BNC2: variants seen among roughly 807,000 people sequenced by gnomAD.
The protein encoded by BNC2 is basonuclin zinc finger protein 2.
BNC2 carries 20 observed loss-of-function variants against 76.3 expected under a neutral mutation model. The ratio of observed to expected loss-of-function variants is 0.26; its 90% CI spans 0.18 to 0.38. The LOEUF (loss-of-function observed/expected upper bound fraction) is 0.38. BNC2 is among the 10% of genes least tolerant of loss of function. The probability of loss-of-function intolerance (pLI) is 1.00; values close to 1 mark genes in which losing one functional copy is unlikely to be tolerated. For missense variants in BNC2, 1,382 were observed against 1,399.8 expected, an observed-to-expected ratio of 0.99 and a Z score of 0.20; for synonymous variants, 582 against 514.8, an observed-to-expected ratio of 1.13 and a Z score of -1.77.
chr9:16,448,520 T>C (rs1218489872), intron 5 of BNC2, among the ~76,000 whole-genome samples: 1 of 152,140 alleles, frequency 6.6e-6, no homozygotes, highest in Non-Finnish European at 1.5e-5. Flanking sequence ...TATTATACTT[T>C]GAATTACTTT....
chr9:16,777,946 C>T (rs148629768), intron 1 of BNC2, among the ~76,000 whole-genome samples: 2 of 152,038 alleles, frequency 1.3e-5, no homozygotes, highest in Non-Finnish European at 2.9e-5. Context: ...AATGAGAAAA[C>T]AGCAATTAAA....
At chr9:16,737,548 CT>C (rs34933639) in intron 2 of BNC2, among the ~76,000 whole-genome samples, 16 of 146,136 alleles carry the variant, frequency 1.1e-4, no homozygotes, top group Non-Finnish European at 7.5e-5. Context: ...CCGTGCCTGG[CT>C]TTTTTTTTTT....
intron 1 of BNC2, among the ~76,000 whole-genome samples, chr9:16,751,166 G>A (rs543818685): frequency 1.3e-5 from 2 of 148,408 alleles, no homozygotes; most frequent in Admixed American, 6.7e-5. Context: ...AAACATCACT[G>A]AAGTCTAAAA....
At chr9:16,691,572 C>A (rs958454407) in intron 3 of BNC2, among the ~76,000 whole-genome samples, 6 of 138,042 alleles carry the variant, frequency 4.3e-5, no homozygotes, top group African/African-American at 1.4e-4. Flanking sequence ...CGCAGTGGTG[C>A]GATCTTGGCT....
chr9:16,644,896 C>T (rs552481388), intron 3 of BNC2, among the ~76,000 whole-genome samples: 8 of 152,220 alleles, frequency 5.3e-5, no homozygotes, highest in Non-Finnish European at 1.0e-4. Context: ...TCTTTCAATT[C>T]AAAGTTTGAA....
chr9:16,485,635 C>T (rs147273984), intron 5 of BNC2, among the ~76,000 whole-genome samples: 207 of 152,292 alleles, frequency 1.4e-3, no homozygotes, highest in African/African-American at 4.7e-3. Flanking sequence ...GCCTGAGCAA[C>T]ATAGTGAGAC....
chr9:16,564,179 G>A (rs1360821709), intron 4 of BNC2, among the ~76,000 whole-genome samples: 1 of 152,168 alleles, frequency 6.6e-6, no homozygotes, highest in Non-Finnish European at 1.5e-5. Context: ...AGAGTCTCTA[G>A]GGCCAGAGTC....
intron 5 of BNC2, among the ~76,000 whole-genome samples, chr9:16,487,415 A>C (rs1467575114): frequency 2.6e-5 from 4 of 152,214 alleles, no homozygotes; most frequent in Non-Finnish European, 2.9e-5. Flanking sequence ...AATGTATGAG[A>C]GACCTAAAAG....
intron 1 of BNC2, among the ~76,000 whole-genome samples, chr9:16,832,017 G>T (rs1301056480): frequency 6.6e-6 from 1 of 152,120 alleles, no homozygotes; most frequent in Non-Finnish European, 1.5e-5. Flanking sequence ...GTTAAAGAAA[G>T]CCAGAAAAGT....
intron 5 of BNC2, among the ~76,000 whole-genome samples, chr9:16,441,708 T>C (rs1348504244): frequency 6.6e-6 from 1 of 152,134 alleles, no homozygotes; most frequent in Non-Finnish European, 1.5e-5. Context: ...ATTTGGAAAA[T>C]TTGGGACAAG....
chr9:16,531,344 G>T (rs968579323), intron 5 of BNC2, among the ~76,000 whole-genome samples: 1 of 151,606 alleles, frequency 6.6e-6, no homozygotes, highest in African/African-American at 2.4e-5. Flanking sequence ...CAAGAAAGCG[G>T]CGACAAGATG....
At chr9:16,621,502 G>A (rs1187272343) in intron 3 of BNC2, among the ~76,000 whole-genome samples, 2 of 152,184 alleles carry the variant, frequency 1.3e-5, no homozygotes, top group African/African-American at 4.8e-5. Flanking sequence ...TGAGAAAGAT[G>A]ATTCTAGAGC....
intron 5 of BNC2, among the ~76,000 whole-genome samples, chr9:16,478,561 T>C (rs1401381065): frequency 1.3e-5 from 2 of 152,238 alleles, no homozygotes; most frequent in South Asian, 2.1e-4. Flanking sequence ...ATGTAATCTA[T>C]AACCTAATTT....
chr9:16,711,201 A>G (rs1587341940), intron 3 of BNC2, among the ~76,000 whole-genome samples: 2 of 152,286 alleles, frequency 1.3e-5, no homozygotes, highest in East Asian at 3.9e-4. Flanking sequence ...AAGGATGATC[A>G]TTTTTTTAAA....
intron 3 of BNC2, among the ~76,000 whole-genome samples, chr9:16,657,862 G>C (rs533977999): frequency 1.0e-3 from 154 of 152,258 alleles, no homozygotes; most frequent in African/African-American, 3.4e-3. Context: ...GGCTACTTGG[G>C]ATACATAGGT....
intron 1 of BNC2, among the ~76,000 whole-genome samples, chr9:16,743,537 G>A (rs1045109489): frequency 2.0e-5 from 3 of 152,166 alleles, no homozygotes; most frequent in Admixed American, 6.5e-5. Context: ...GGTTTCACAT[G>A]TTGGCCACAT....
At chr9:16,834,506 T>C (rs562182936) in intron 1 of BNC2, among the ~76,000 whole-genome samples, 2 of 152,310 alleles carry the variant, frequency 1.3e-5, no homozygotes, top group Admixed American at 6.5e-5. Context: ...TGCCTGACCA[T>C]AGCTAAATCC....
intron 5 of BNC2, among the ~76,000 whole-genome samples, chr9:16,481,292 T>G (rs1822050246): frequency 6.6e-6 from 1 of 152,092 alleles, no homozygotes; most frequent in East Asian, 1.9e-4. Flanking sequence ...AAAAGCAGGC[T>G]GCCCGAGCCA....
chr9:16,708,257 G>A (rs961505413), intron 3 of BNC2, among the ~76,000 whole-genome samples: 1 of 152,164 alleles, frequency 6.6e-6, no homozygotes, highest in Non-Finnish European at 1.5e-5. Context: ...AAACTTTACT[G>A]TGTTAAATGG....
Sources: allele counts gnomAD v4.1 joint callset (sites outside exome capture counted in the v4.1 genomes callset), GRCh38; gene constraint gnomAD v4.1.1; transcripts MANE v1.5; gene names NCBI Gene and HGNC (gene_info 2026-07-23, HGNC 2026-07-21).